Variants in KLF5 observed in about 807,000 individuals in gnomAD.
KLF5 encodes Krueppel-like factor 5.
A neutral mutation model predicts 36.9 loss-of-function variants in KLF5; 9 were observed. The observed-to-expected ratio is 0.24, with a 90% CI of 0.15 to 0.43. The LOEUF (loss-of-function observed/expected upper bound fraction) is 0.43, where lower values mean the gene tolerates loss of function less well. KLF5 is among the 20% of genes least tolerant of loss of function. The pLI, the probability that KLF5 is intolerant of heterozygous loss-of-function variation, is 1.00. For synonymous variants in KLF5, 246 were observed against 241.7 expected (o/e 1.02, Z -0.17); for missense variants, 524 against 599.5 (o/e 0.87, Z 1.31).
rs530524839 is a variant in KLF5 at position 73,065,791 on chromosome 13, AAG to A, written c.1195+1911_1195+1912del. 3.7e-3 allele frequency among the ~76,000 whole-genome samples: 557 copies of A among 152,338 alleles called. 2 individuals are homozygous for A. Among genetic ancestry groups the A allele is most frequent in the African/African-American group, 0.012 (502 of 41,570 alleles). On this transcript the variant is annotated intron_variant, in intron 3 of 3. Coordinates refer to ENST00000377687, the MANE Select transcript of KLF5 (RefSeq NM_001730.5). ...TCCTGGGTTTAAAGTCTCCTAATAA[AAG>A]AGCACAATTGCATATAACGATGTAA... is the stretch of plus-strand genomic sequence containing the variant.
Position 73,061,889 on chromosome 13 carries a change from C to T in KLF5, c.290C>T (p.Thr97Ile), listed in dbSNP as rs773515015. ...AGATGTGAAATGGAGAAGTATCTGA[C>T]ACCTCAGCTTCCTCCAGTTCCTATA... ...QTRCEMEKYLTPQLPPVPIIP... is the reference protein window; with the variant it reads ...QTRCEMEKYLIPQLPPVPIIP... The change falls in exon 2 of 4, where the codon ACA becomes ATA. Residue 97 changes from threonine (T) to isoleucine (I), a missense_variant. Thr to Ile is a moderately conservative substitution (Grantham distance 89). This residue lies in a region of KLF5 where 454 missense variants were observed against 458.1 expected (regional missense o/e 0.99). Coordinates refer to ENST00000377687, the MANE Select transcript of KLF5 (RefSeq NM_001730.5). 1.2e-6 allele frequency: 2 copies of T among 1,613,056 alleles called. No homozygotes were observed. Among genetic ancestry groups the T allele is most frequent in the Non-Finnish European group, 1.7e-6 (2 of 1,179,152 alleles).
At position 73,062,273 on chromosome 13, in the gene KLF5, A is replaced by T. The variant is rs2044642681; in HGVS notation, c.674A>T (p.Gln225Leu). ...PDLHLSVPTQQGHLYQLLNTP... is the reference protein window; with the variant it reads ...PDLHLSVPTQLGHLYQLLNTP... Reference sequence around the variant, plus strand: ...CTTCATCTTTCTGTCCCTACCCAGCAGGGCCACCTGTACCAGCTACTGAAT... The same window carrying T: ...CTTCATCTTTCTGTCCCTACCCAGCTGGGCCACCTGTACCAGCTACTGAAT... The change falls in exon 2 of 4, where the codon CAG (glutamine) becomes CTG (leucine). Residue 225 changes from glutamine (Q) to leucine (L), a missense_variant. By Grantham distance (113) the Gln-to-Leu change is moderately radical. Coordinates refer to ENST00000377687, the MANE Select transcript of KLF5 (RefSeq NM_001730.5). The T allele has an allele frequency of 7.4e-6, 12 of 1,614,100 alleles. No individual in the cohort carries two copies. Among genetic ancestry groups the T allele is most frequent in the Non-Finnish European group, 1.0e-5 (12 of 1,180,012 alleles).
In KLF5 at chr13:73,063,893, TTTC is replaced by T; in HGVS notation, c.1195+13_1195+15del. On this transcript the variant is annotated intron_variant, in intron 3 of 3. Transcript: ENST00000377687. ...CTGAGGACTCACACTGGTATGTAATTTTCTTGTTAATTCTGTGAGTTGTGTAAA... is the reference window on the plus strand; with the variant it reads ...CTGAGGACTCACACTGGTATGTAATTTTGTTAATTCTGTGAGTTGTGTAAA... 6.4e-7 allele frequency: 1 copy of T among 1,570,030 alleles called. No homozygotes were observed. The highest frequency in any genetic ancestry group is 8.8e-7 in the Non-Finnish European group (1 of 1,140,152).
chr13:73,070,747 C>T (rs1156524064), intron 3 of KLF5, among the ~76,000 whole-genome samples: 2 of 152,230 alleles, frequency 1.3e-5, no homozygotes, highest in East Asian at 3.9e-4. Flanking sequence ...CCAGTTCTAC[C>T]TAAGACAATT....
rs1325992351 is a variant in KLF5, at chr13:73,062,077, C to T, written c.478C>T (p.His160Tyr). 3 of 1,614,026 alleles carry T rather than the reference C, an allele frequency of 1.9e-6. No individual in the cohort carries two copies. The highest frequency in any genetic ancestry group is 2.5e-6 in the Non-Finnish European group (3 of 1,180,052). ...LYKSQRPCVT[H>Y]IKTEPVAIFS... Reference sequence around the variant, plus strand: ...CAAATCCCAGAGACCGTGCGTAACACACATCAAGACAGAACCTGTTGCCAT... The same window carrying T: ...CAAATCCCAGAGACCGTGCGTAACATACATCAAGACAGAACCTGTTGCCAT... The change falls in exon 2 of 4, where the codon CAC becomes TAC. Residue 160 changes from histidine to tyrosine, a missense_variant. Physicochemically the swap from His to Tyr is moderately conservative, Grantham distance 83 (BLOSUM62 2). This residue lies in a region of KLF5 where 454 missense variants were observed against 458.1 expected (regional missense o/e 0.99). Coordinates refer to ENST00000377687, the MANE Select transcript of KLF5 (RefSeq NM_001730.5).
At chr13:73,064,338 A>G (rs1163207471) in intron 3 of KLF5, among the ~76,000 whole-genome samples, 1 of 152,150 alleles carries the variant, frequency 6.6e-6, no homozygotes, top group Admixed American at 6.5e-5. Context: ...AGGTTAAAAT[A>G]TCTGTGTTTA....
At chr13:73,056,051 G>A (rs2044581268), upstream of KLF5, among the ~76,000 whole-genome samples, 1 of 152,020 alleles carries the variant, frequency 6.6e-6, no homozygotes, top group African/African-American at 2.4e-5. Flanking sequence ...TCATTCAGAA[G>A]CTATTTATCT....
At chr13:73,064,699 A>C (rs976211263) in intron 3 of KLF5, among the ~76,000 whole-genome samples, 8 of 151,972 alleles carry the variant, frequency 5.3e-5, no homozygotes, top group Admixed American at 1.3e-4. Context: ...CCCCACCACC[A>C]TGCCCAGTTG....
At chr13:73,059,823 G>A (rs1381733458) in intron 1 of KLF5, 1 of 949,986 alleles carries the variant, frequency 1.1e-6, no homozygotes, top group African/African-American at 1.8e-5. Flanking sequence ...CTGCCCCGGC[G>A]GGTCGGCCTG....
At chr13:73,061,542 AG>A (rs2044634917) in intron 1 of KLF5, among the ~76,000 whole-genome samples, 1 of 152,200 alleles carries the variant, frequency 6.6e-6, no homozygotes. Flanking sequence ...CTGCTTGTAC[AG>A]GGGTGATGGT....
At chr13:73,055,924 A>T (rs1484693033), upstream of KLF5, among the ~76,000 whole-genome samples, 2 of 152,168 alleles carry the variant, frequency 1.3e-5, no homozygotes, top group Non-Finnish European at 2.9e-5. Context: ...TCAAGCTGTG[A>T]CGTTTTTGCC....
intron 3 of KLF5, among the ~76,000 whole-genome samples, chr13:73,068,593 A>G (rs950254976): frequency 2.5e-4 from 37 of 150,248 alleles, no homozygotes; most frequent in African/African-American, 8.1e-4. Flanking sequence ...AGTCCCAGTT[A>G]CTCAGGAGGC....
rs373665022 is a variant in KLF5 at position 73,060,258 on chromosome 13, A to G, written c.261+670A>G. ...TTGAAAGCTGGCAGTTGGCTTTTAC[A>G]CTTGCCCAGCAGCCGAATTAGAGCA... On this transcript the variant is annotated intron_variant, in intron 1 of 3. Coordinates refer to ENST00000377687, the MANE Select transcript of KLF5 (RefSeq NM_001730.5). 3.7e-3 allele frequency among the ~76,000 whole-genome samples: 558 copies of G among 151,330 alleles called. 2 individuals carry two copies. Among genetic ancestry groups the G allele is most frequent in the African/African-American group, 0.012 (502 of 41,156 alleles).
chr13:73,057,597 T>G (rs190907045), upstream of KLF5, among the ~76,000 whole-genome samples: 217 of 152,320 alleles, frequency 1.4e-3, 1 homozygote, highest in African/African-American at 4.9e-3. Flanking sequence ...TTTCTTTATG[T>G]GCATATTAAT....
chr13:73,069,311 CGA>C lies in KLF5; in HGVS notation c.1195+5431_1195+5432del, dbSNP rs2044705937. On this transcript the variant is annotated intron_variant, in intron 3 of 3. Coordinates refer to ENST00000377687, the MANE Select transcript of KLF5 (RefSeq NM_001730.5). ...TGGATGGAGATCTTACAATGTGAAT[CGA>C]GAAATAATAGTGGTTAAATGTGTAA... is the stretch of plus-strand genomic sequence containing the variant. Among the ~76,000 whole-genome samples the C allele has an allele frequency of 2.0e-5, 3 of 152,078 alleles. No individual in the cohort carries two copies. In the South Asian group the frequency reaches 6.2e-4, roughly 32 times the overall value.
upstream of KLF5, among the ~76,000 whole-genome samples, chr13:73,056,939 T>C (rs922311697): frequency 6.6e-5 from 10 of 151,946 alleles, no homozygotes; most frequent in African/African-American, 2.4e-4. Flanking sequence ...GTATGGTTTT[T>C]TTTTTGCAAT....
Position 73,059,680 on chromosome 13 carries a change from CT to C in KLF5, c.261+93del. 4 of 980,574 alleles carry C rather than the reference CT, an allele frequency of 4.1e-6. No homozygotes were observed. In the African/African-American group the frequency reaches 7.0e-5, roughly 17 times the overall value. 60.7% of individuals were successfully genotyped at this position (980,574 alleles called of 1,614,324 possible). A position where few individuals can be genotyped will look rare whatever the true frequency, so the allele number is the denominator to read the frequency against. On this transcript the variant is annotated intron_variant, in intron 1 of 3. Transcript: ENST00000377687. ...CGCGGGCGACAGGGGCCGCTCCAGGCTGGGGCGTGCGTCGGGGCGCACCGGA... is the reference window on the plus strand; with the variant it reads ...CGCGGGCGACAGGGGCCGCTCCAGGCGGGGCGTGCGTCGGGGCGCACCGGA...
chr13:73,061,418 TA>T (rs140948873), intron 1 of KLF5, among the ~76,000 whole-genome samples: 8,876 of 152,162 alleles, frequency 0.058, 328 homozygotes, highest in East Asian at 0.094. Context: ...TTTTTTCTAT[TA>T]AAAAAAACCA....
At chr13:73,066,049 A>G (rs1008148633) in intron 3 of KLF5, among the ~76,000 whole-genome samples, 6 of 152,194 alleles carry the variant, frequency 3.9e-5, no homozygotes, top group South Asian at 2.1e-4. Flanking sequence ...GACCATAAAC[A>G]TTGTGGCCTT....
Sources: allele counts gnomAD v4.1 joint callset (sites outside exome capture counted in the v4.1 genomes callset), GRCh38; gene constraint gnomAD v4.1.1; regional missense constraint gnomAD v4.1.1; transcripts MANE v1.5; gene names NCBI Gene and HGNC (gene_info 2026-07-23, HGNC 2026-07-21).